CASZ1: variants seen among roughly 807,000 people sequenced by gnomAD.
CASZ1 encodes zinc finger protein castor homolog 1.
In CASZ1, 28 loss-of-function variants were observed where a neutral mutation model predicts 135.2. That is an observed-to-expected ratio of 0.21 (90% CI 0.15 to 0.28). The LOEUF (loss-of-function observed/expected upper bound fraction) is 0.28, where lower values mean the gene tolerates loss of function less well. CASZ1 is among the 10% of genes least tolerant of loss of function. The pLI, the probability that CASZ1 is intolerant of heterozygous loss-of-function variation, is 1.00. For missense variants in CASZ1, 2,161 were observed against 2,453.3 expected, an observed-to-expected ratio of 0.88 and a Z score of 2.52; for synonymous variants, 1,068 against 1,073.4, an observed-to-expected ratio of 0.99 and a Z score of 0.10.
chr1:10,784,529 C>T (rs367672919), intron 1 of CASZ1, among the ~76,000 whole-genome samples: 18 of 152,296 alleles, frequency 1.2e-4, no homozygotes, highest in African/African-American at 4.3e-4. Flanking sequence ...CTCCAGTTAT[C>T]TCCCTACCTC....
At chr1:10,671,864 G>A (rs1366663683) in intron 4 of CASZ1, among the ~76,000 whole-genome samples, 6 of 152,246 alleles carry the variant, frequency 3.9e-5, no homozygotes, top group African/African-American at 1.4e-4. Flanking sequence ...TGCGAGGCTA[G>A]GATGATGGCA....
chr1:10,673,371 T>C (rs549354948), intron 4 of CASZ1, among the ~76,000 whole-genome samples: 3 of 152,252 alleles, frequency 2.0e-5, no homozygotes, highest in Non-Finnish European at 4.4e-5. Context: ...TACACAAATA[T>C]GGAAATTTTT....
intron 2 of CASZ1, among the ~76,000 whole-genome samples, chr1:10,734,682 G>A (rs284276): frequency 0.018 from 2,788 of 152,324 alleles, 95 homozygotes; most frequent in African/African-American, 0.062. Context: ...GAGAAAGAGA[G>A]AGAGAGGGAG....
At chr1:10,736,275 G>C (rs520262) in intron 2 of CASZ1, among the ~76,000 whole-genome samples, 2,722 of 152,268 alleles carry the variant, frequency 0.018, 90 homozygotes, top group African/African-American at 0.061. Context: ...CATCACTCAG[G>C]TCCTAGAGAA....
chr1:10,710,857 G>A (rs1032752502), intron 2 of CASZ1, among the ~76,000 whole-genome samples: 2 of 152,254 alleles, frequency 1.3e-5, no homozygotes, highest in African/African-American at 4.8e-5. Context: ...ACAAAAGGCC[G>A]GGGGCAGTAG....
chr1:10,665,972 C>T (rs1179167778), intron 4 of CASZ1, among the ~76,000 whole-genome samples: 2 of 152,132 alleles, frequency 1.3e-5, no homozygotes, highest in African/African-American at 4.8e-5. Context: ...GGTTAAGGAG[C>T]CGGCTATGCG....
At chr1:10,779,211 GAATA>G (rs1454339780) in intron 1 of CASZ1, among the ~76,000 whole-genome samples, 1 of 128,542 alleles carries the variant, frequency 7.8e-6, no homozygotes, top group African/African-American at 2.9e-5. Flanking sequence ...TCCCCACCTT[GAATA>G]AATAAAGCAC....
At chr1:10,675,696 C>T (rs1000005027) in intron 4 of CASZ1, among the ~76,000 whole-genome samples, 1 of 152,120 alleles carries the variant, frequency 6.6e-6, no homozygotes, top group African/African-American at 2.4e-5. Flanking sequence ...TACCCCTACC[C>T]CTGCCTCTGG....
In CASZ1 at chr1:10,759,233, T is replaced by C. The variant is rs982988963; in HGVS notation, c.-77+1468A>G. Among the ~76,000 whole-genome samples, 14 of 152,138 alleles carry C rather than the reference T, an allele frequency of 9.2e-5. No homozygotes were observed. Among genetic ancestry groups the C allele is most frequent in the African/African-American group, 3.4e-4 (14 of 41,442 alleles). On this transcript the variant is annotated intron_variant, in intron 2 of 20. Coordinates refer to ENST00000377022, the MANE Select transcript of CASZ1 (RefSeq NM_001079843.3). This position sits in a 1 kb window ranked among gnomAD's most constrained non-coding sequence, Gnocchi z 4.2. ...CCTGAGGCTTGCATATATTTGAGCC[T>C]GCATCCCAGGATTCATGATCATCAG...
rs1639777202 is a variant in CASZ1, at chr1:10,735,363, A to G, written c.-77+25338T>C. Among the ~76,000 whole-genome samples, 1 of 152,156 alleles carries G rather than the reference A, an allele frequency of 6.6e-6. No homozygotes were observed. Among genetic ancestry groups the G allele is most frequent in the South Asian group, 2.1e-4 (1 of 4,826 alleles). ...GGGCCCCAAGCTGCATTCTGAGCTGACGAGAGAGGCGCCTGCAAACGCAGG... is the reference window on the plus strand; with the variant it reads ...GGGCCCCAAGCTGCATTCTGAGCTGGCGAGAGAGGCGCCTGCAAACGCAGG... On this transcript the variant is annotated intron_variant, in intron 2 of 20. Transcript: ENST00000377022. The surrounding 1 kb of genome is among the most constrained non-coding windows in gnomAD (Gnocchi z 5.1).
Position 10,706,692 on chromosome 1 carries a change from G to A in CASZ1, c.-76-1148C>T, listed in dbSNP as rs1639179994. Among the ~76,000 whole-genome samples, 1 of 152,166 alleles carries A rather than the reference G, an allele frequency of 6.6e-6. No individual in the cohort carries two copies. The highest frequency in any genetic ancestry group is 1.5e-5 in the Non-Finnish European group (1 of 68,006). On this transcript the variant is annotated intron_variant, in intron 2 of 20. Transcript: ENST00000377022. This position sits in a 1 kb window ranked among gnomAD's most constrained non-coding sequence, Gnocchi z 4.3. ...GCTCGGCTCTCCACCAGCTTTCGCC[G>A]CTTGTGTTGGGCTGCCCGGGCAGAG...
chr1:10,703,234 C>T (rs1391888579), intron 3 of CASZ1, among the ~76,000 whole-genome samples: 3 of 152,182 alleles, frequency 2.0e-5, no homozygotes, highest in East Asian at 1.9e-4. Flanking sequence ...CCTTTCCTCT[C>T]GGGCTTGGAG....
chr1:10,734,492 C>T (rs966274364), intron 2 of CASZ1, among the ~76,000 whole-genome samples: 3 of 152,020 alleles, frequency 2.0e-5, no homozygotes, highest in Non-Finnish European at 4.4e-5. Flanking sequence ...AGCTGCATCT[C>T]GGGAATTCTC....
Position 10,639,683 on chromosome 1 carries a change from C to G in CASZ1, c.4539G>C (p.Thr1513=), listed in dbSNP as rs201529118. The change falls in exon 21 of 21, where the codon ACG becomes ACC. Residue 1513 remains threonine (T), a synonymous_variant. Transcript: ENST00000377022. This position sits in a 1 kb window ranked among gnomAD's most constrained non-coding sequence, Gnocchi z 4.0. ...FADCPFSGTS[T]HFHCLRCRFR... is the part of the protein sequence containing the mutation. The stretch of plus-strand genomic sequence containing the variant: ...AGCGGCAGCGCAGGCAGTGGAAGTG[C>G]GTGCTGGTGCCCGAGAAGGGGCAGT... 575 of 1,598,372 alleles carry G rather than the reference C, an allele frequency of 3.6e-4. 1 individual carries two copies. Among genetic ancestry groups the G allele is most frequent in the Admixed American group, 4.5e-4 (26 of 57,724 alleles).
intron 2 of CASZ1, among the ~76,000 whole-genome samples, chr1:10,728,837 A>G (rs1639643551): frequency 6.6e-6 from 1 of 151,936 alleles, no homozygotes; most frequent in East Asian, 1.9e-4. Context: ...TTGAAGACTC[A>G]ATAAAGAGTT....
At chr1:10,651,173 G>C (rs1642568702) in intron 11 of CASZ1, 97 bp from the exon 12 acceptor site, 12 of 1,017,346 alleles carry the variant, frequency 1.2e-5, no homozygotes, top group Non-Finnish European at 1.6e-5. Flanking sequence ...CAGTGGGCTG[G>C]GTGGGCCCCG....
At position 10,694,584 on chromosome 1, in the gene CASZ1, CCCGCCG is replaced by C. The variant is rs1171158662; in HGVS notation, c.-23-678_-23-673del. On this transcript the variant is annotated intron_variant, in intron 3 of 20. Coordinates refer to ENST00000377022, the MANE Select transcript of CASZ1 (RefSeq NM_001079843.3). The surrounding 1 kb of genome is among the most constrained non-coding windows in gnomAD (Gnocchi z 6.6). Reference sequence around the variant, plus strand: ...GGCAGGTGAAAGAGCAGAGCGCGGCCCCGCCGCCGCCGCCGCCGCCGCCGCCGCCGC... The same window carrying C: ...GGCAGGTGAAAGAGCAGAGCGCGGCCCCGCCGCCGCCGCCGCCGCCGCCGC... The C allele has an allele frequency of 0.069, 9,505 of 137,356 alleles. 755 individuals carry two copies. The highest frequency in any genetic ancestry group is 0.19 in the African/African-American group (6,988 of 37,206). The allele number at this position is 137,356 out of a possible 1,614,324, so 8.5% of individuals were successfully genotyped here. A position where few individuals can be genotyped will look rare whatever the true frequency, so the allele number is the denominator to read the frequency against.
At position 10,698,903 on chromosome 1, in the gene CASZ1, AG is replaced by A. The variant is rs1639001287; in HGVS notation, c.-23-4992del. Among the ~76,000 whole-genome samples the A allele has an allele frequency of 2.0e-5, 3 of 152,244 alleles. No homozygotes were observed. The South Asian group carries it at 6.2e-4, about 31-fold the overall frequency. The stretch of plus-strand genomic sequence containing the variant: ...CAGGCTTAGGTCACAGCTTGGCCTC[AG>A]GGCTCTGTGTGGCTCCAGCACAGCG... On this transcript the variant is annotated intron_variant, in intron 3 of 20. Coordinates refer to ENST00000377022, the MANE Select transcript of CASZ1 (RefSeq NM_001079843.3).
chr1:10,768,033 C>G (rs1640509316), intron 1 of CASZ1, among the ~76,000 whole-genome samples: 1 of 152,178 alleles, frequency 6.6e-6, no homozygotes, highest in African/African-American at 2.4e-5. Flanking sequence ...CTTCCGGGAG[C>G]TGGAAGACCC....
Sources: allele counts gnomAD v4.1 joint callset (sites outside exome capture counted in the v4.1 genomes callset), GRCh38; gene constraint gnomAD v4.1.1; non-coding constraint Gnocchi (gnomAD v3.1); transcripts MANE v1.5; gene names NCBI Gene and HGNC (gene_info 2026-07-23, HGNC 2026-07-21).